The following MIAT variants were observed in gnomAD, a reference collection of about 807,000 sequenced individuals.
The protein encoded by MIAT is myocardial infarction associated transcript, also known as MI related novel mRNA.
chr22:26,665,925 G>A, exon 4 of MIAT: 1 of 398,640 alleles, frequency 2.5e-6, no homozygotes, highest in Non-Finnish European at 4.4e-6. Flanking sequence ...ATTAGAAGGA[G>A]GCTGGGGACT....
At chr22:26,667,369 T>C (rs866273292) in intron 5 of MIAT, 15 of 395,890 alleles carry the variant, frequency 3.8e-5, no homozygotes, top group Middle Eastern at 6.2e-4. Flanking sequence ...TGCACATGTG[T>C]GTGCATGCCT....
At chr22:26,647,994 A>G (rs919227710) in intron 2 of MIAT, among the ~76,000 whole-genome samples, 5 of 152,052 alleles carry the variant, frequency 3.3e-5, no homozygotes, top group Admixed American at 2.0e-4. Context: ...TTCTAGCCCC[A>G]TCTCTGGCTC....
intron 2 of MIAT, among the ~76,000 whole-genome samples, chr22:26,649,301 G>T (rs1394882957): frequency 1.3e-5 from 2 of 152,220 alleles, no homozygotes; most frequent in African/African-American, 4.8e-5. Context: ...TGACTCCTGA[G>T]TCCATGTATT....
chr22:26,674,486 T>TAGAG (rs1931185133), downstream of MIAT: 1 of 398,652 alleles, frequency 2.5e-6, no homozygotes, highest in Non-Finnish European at 4.4e-6. Flanking sequence ...AAGGCTGGCT[T>TAGAG]ACAGACCTTA....
chr22:26,658,161 C>G (rs954230488), intron 2 of MIAT: 4 of 142,266 alleles, frequency 2.8e-5, no homozygotes, highest in Admixed American at 6.9e-5. Context: ...CCCCCCGAGC[C>G]TGCCATTCCT....
rs58234097 is a variant in MIAT at position 26,660,461 on chromosome 22, C to CAAA, written n.647-2837_647-2835dup. On this transcript the variant is annotated intron_variant and non_coding_transcript_variant, in intron 2 of 5. Transcript: ENST00000643270. Reference sequence around the variant, plus strand: ...CTAGCCTGGGTGACGGAGACTATCTCAAAAAAAAAAAAAAAAAAAAGAAGA... The same window carrying CAAA: ...CTAGCCTGGGTGACGGAGACTATCTCAAAAAAAAAAAAAAAAAAAAAAAGAAGA... Among the ~76,000 whole-genome samples, 103 of 107,124 alleles carry CAAA rather than the reference C, an allele frequency of 9.6e-4. 2 individuals carry two copies. In the East Asian group the frequency reaches 0.011, roughly 12 times the overall value. The allele number at this position is 107,124 out of a possible 152,430, so 70.3% of individuals were successfully genotyped here. A position where few individuals can be genotyped will look rare whatever the true frequency, so the allele number is the denominator to read the frequency against.
At chr22:26,672,391 C>A, downstream of MIAT, 1 of 399,372 alleles carries the variant, frequency 2.5e-6, no homozygotes, top group Non-Finnish European at 4.4e-6. Context: ...GGGGATGGCC[C>A]TATTAACAAG....
At chr22:26,646,904 GGA>G in exon 1 of MIAT, 1 of 398,642 alleles carries the variant, frequency 2.5e-6, no homozygotes, top group Non-Finnish European at 4.4e-6. Context: ...CAAGGTGACA[GGA>G]ACAGATGTTC....
chr22:26,662,857 C>T lies in MIAT; in HGVS notation n.647-459C>T, dbSNP rs2331291. The stretch of plus-strand genomic sequence containing the variant: ...ACTAAGAACAGTACATGCTGTTTAG[C>T]GGGAAAAATGAATATCTCATGGGTA... On this transcript the variant is annotated intron_variant and non_coding_transcript_variant, in intron 2 of 5. Coordinates refer to ENST00000643270, the Ensembl canonical transcript of MIAT. Among the ~76,000 whole-genome samples the T allele has an allele frequency of 0.11, 16,496 of 152,068 alleles. 1,053 individuals carry two copies. Among genetic ancestry groups the T allele is most frequent in the Non-Finnish European group, 0.14 (9,396 of 67,964 alleles).
At chr22:26,670,048 G>A (rs1930987900), downstream of MIAT, 2 of 374,180 alleles carry the variant, frequency 5.3e-6, no homozygotes, top group Admixed American at 5.3e-5. Context: ...TAGACTTAGG[G>A]TTTATCTATT....
At chr22:26,669,201 C>G (rs149156366) in exon 6 of MIAT, 1 of 398,666 alleles carries the variant, frequency 2.5e-6, no homozygotes, top group Non-Finnish European at 4.4e-6. Flanking sequence ...CTCCCTTAGG[C>G]AAGTTTAAAA....
chr22:26,673,755 A>C, downstream of MIAT: 1 of 398,768 alleles, frequency 2.5e-6, no homozygotes, highest in Non-Finnish European at 4.4e-6. Flanking sequence ...GCTCTGAGTC[A>C]GAACAATCAG....
At chr22:26,676,199 G>A (rs1265072593) in exon 5 of MIAT, 1 of 394,840 alleles carries the variant, frequency 2.5e-6, no homozygotes, top group Admixed American at 4.4e-5. Context: ...GGATGCTTTC[G>A]GGGTGGGGGG....
chr22:26,647,339 G>A (rs763272), intron 2 of MIAT: 22,205 of 288,044 alleles, frequency 0.077, 1,272 homozygotes, highest in African/African-American at 0.18. Flanking sequence ...TGAACCTCAC[G>A]GGTTAGTTGT....
At chr22:26,651,154 C>A (rs1182324378) in intron 2 of MIAT, among the ~76,000 whole-genome samples, 1 of 152,172 alleles carries the variant, frequency 6.6e-6, no homozygotes, top group Non-Finnish European at 1.5e-5. Flanking sequence ...CCAAATGCAG[C>A]TCTCCTCTCC....
chr22:26,668,113 G>A, intron 5 of MIAT: 1 of 398,592 alleles, frequency 2.5e-6, no homozygotes, highest in Non-Finnish European at 4.4e-6. Flanking sequence ...GGAAGTTGGG[G>A]ATGGAGGCTG....
chr22:26,662,025 C>T (rs983477419), intron 2 of MIAT, among the ~76,000 whole-genome samples: 6 of 148,632 alleles, frequency 4.0e-5, no homozygotes, highest in Non-Finnish European at 4.5e-5. Context: ...GGAGCAATCG[C>T]GGTTCACTGC....
At chr22:26,673,885 TTGGCCA>T (rs1239470278), downstream of MIAT, 2 of 398,680 alleles carry the variant, frequency 5.0e-6, no homozygotes, top group Non-Finnish European at 8.8e-6. Context: ...TTGCAAGGTT[TTGGCCA>T]TTGGGCATAT....
intron 2 of MIAT, among the ~76,000 whole-genome samples, chr22:26,654,596 G>T (rs957332205): frequency 6.6e-6 from 1 of 152,184 alleles, no homozygotes; most frequent in East Asian, 1.9e-4. Context: ...AAAAGCTCAG[G>T]CAGGAGGATC....
Sources: allele counts gnomAD v4.1 joint callset (sites outside exome capture counted in the v4.1 genomes callset), GRCh38; gene constraint gnomAD v4.1.1; transcripts MANE v1.5; gene names NCBI Gene and HGNC (gene_info 2026-07-23, HGNC 2026-07-21).